SMIM30: variants seen among roughly 807,000 people sequenced by gnomAD.
SMIM30 encodes the protein small integral membrane protein 30, also known as long intergenic non-protein coding RNA 998.
For synonymous variants in SMIM30, 19 were observed against 11.5 expected (o/e 1.65, Z -1.31); for missense variants, 43 against 27.6 (o/e 1.56, Z -1.25).
In SMIM30 at chr7:113,117,378, G is replaced by C. The variant is rs1584573296; in HGVS notation, c.*21C>G. The C allele has an allele frequency of 1.4e-6, 1 of 702,632 alleles. No individual in the cohort carries two copies. The highest frequency in any genetic ancestry group is 1.5e-5 in the South Asian group (1 of 67,504). The allele number at this position is 702,632 out of a possible 1,614,324, so 43.5% of individuals were successfully genotyped here. ...CGCAAAGGTTTTCAGGGTGAGGTTT[G>C]ACTCAGTAGGCCTTTCAAAGTCACA... On this transcript the variant is annotated 3_prime_UTR_variant, in exon 3 of 3. Coordinates refer to ENST00000397764, the MANE Select transcript of SMIM30 (RefSeq NM_001352688.2).
At chr7:113,117,647 A>G (rs1281669557) in intron 2 of SMIM30, 40 bp from the exon 3 acceptor site, 1 of 698,128 alleles carries the variant, frequency 1.4e-6, no homozygotes, top group Non-Finnish European at 2.6e-6. Flanking sequence ...ACCATTAAAA[A>G]TTCCTCCCTT....
chr7:113,117,083 T>C lies in SMIM30; in HGVS notation c.*316A>G. ...CCTAAGATTCTGGGCAAGAACTTCCTTCTTCCTATTTCACATGCTTTGAGA... is the reference window on the plus strand; with the variant it reads ...CCTAAGATTCTGGGCAAGAACTTCCCTCTTCCTATTTCACATGCTTTGAGA... On this transcript the variant is annotated 3_prime_UTR_variant, in exon 3 of 3. Coordinates refer to ENST00000397764, the MANE Select transcript of SMIM30 (RefSeq NM_001352688.2). 3.5e-6 allele frequency: 1 copy of C among 286,196 alleles called. No individual in the cohort carries two copies. The highest frequency in any genetic ancestry group is 6.8e-6 in the Non-Finnish European group (1 of 146,330). The allele number at this position is 286,196 out of a possible 1,614,324, so 17.7% of individuals were successfully genotyped here.
intron 2 of SMIM30, 158 bp from the exon 3 acceptor site, chr7:113,117,765 G>A (rs1275765809): frequency 3.4e-6 from 2 of 596,202 alleles, no homozygotes; most frequent in Non-Finnish European, 3.0e-6. Context: ...GAAAAACAGA[G>A]GGACGTTAAA....
In SMIM30 at chr7:113,117,434, C is replaced by A. The variant is rs1390099236; in HGVS notation, c.145G>T (p.Gly49Trp). The A allele has an allele frequency of 2.8e-6, 2 of 702,816 alleles. No individual in the cohort carries two copies. The highest frequency in any genetic ancestry group is 3.5e-5 in the African/African-American group (2 of 57,190). 43.5% of individuals were successfully genotyped at this position (702,816 alleles called of 1,614,324 possible). Residue 49 changes from glycine (G) to tryptophan (W), a missense_variant, in exon 3 of 3, where the codon GGG becomes TGG. Physicochemically the swap from Gly to Trp is radical, Grantham distance 184 (BLOSUM62 -2). Coordinates refer to ENST00000397764, the MANE Select transcript of SMIM30 (RefSeq NM_001352688.2). Reference sequence around the variant, plus strand: ...CCATTTCTTTTTCGTGCATATACCCCCAAGCAGGCACAAATGCCTGTAATG... The same window carrying A: ...CCATTTCTTTTTCGTGCATATACCCACAAGCAGGCACAAATGCCTGTAATG... Reference protein sequence around the residue: ...LSITGICACLGVYARKRNGQM With the variant: ...LSITGICACLWVYARKRNGQM
intron 1 of SMIM30, 57 bp from the exon 2 acceptor site, chr7:113,118,218 A>T (rs1794719113): frequency 4.7e-6 from 2 of 424,594 alleles, no homozygotes; most frequent in Non-Finnish European, 9.3e-6. Context: ...AAAATTAATT[A>T]TTATTACTAT....
chr7:113,118,312 A>G (rs1395058649), intron 1 of SMIM30, 151 bp from the exon 2 acceptor site: 1 of 427,028 alleles, frequency 2.3e-6, no homozygotes, highest in African/African-American at 2.0e-5. Context: ...AGTTGAGAAA[A>G]GTCTGTCCAA....
chr7:113,117,749 T>C (rs1320267759), intron 2 of SMIM30, 142 bp from the exon 3 acceptor site: 16 of 612,860 alleles, frequency 2.6e-5, no homozygotes, highest in South Asian at 1.2e-4. Context: ...CCTCATCTTA[T>C]AGGTGGAAAA....
intron 1 of SMIM30, 82 bp downstream of exon 1, chr7:113,118,446 C>T (rs1429089416): frequency 2.2e-6 from 1 of 456,052 alleles, no homozygotes; most frequent in South Asian, 1.5e-5. Context: ...GTACTTTGGC[C>T]CGGCAAGGTC....
chr7:113,117,443 C>T lies in SMIM30; in HGVS notation c.136G>A (p.Ala46Thr), dbSNP rs1324724400. 2 of 702,962 alleles carry T rather than the reference C, an allele frequency of 2.8e-6. No individual in the cohort carries two copies. The highest frequency in any genetic ancestry group is 2.0e-5 in the Admixed American group (1 of 50,002). The allele number at this position is 702,962 out of a possible 1,614,324, so 43.5% of individuals were successfully genotyped here. A position where few individuals can be genotyped will look rare whatever the true frequency, so the allele number is the denominator to read the frequency against. The change falls in exon 3 of 3, where the codon GCC becomes ACC. Residue 46 changes from alanine to threonine, a missense_variant. Transcript: ENST00000397764. The stretch of plus-strand genomic sequence containing the variant: ...TTTCGTGCATATACCCCCAAGCAGG[C>T]ACAAATGCCTGTAATGCTGAGAACC... ...GVVLSITGIC[A>T]CLGVYARKRN...
At position 113,116,977 on chromosome 7, in the gene SMIM30, G is replaced by A. The variant is rs1346972658; in HGVS notation, c.*422C>T. 2 of 160,792 alleles carry A rather than the reference G, an allele frequency of 1.2e-5. No homozygotes were observed. Among genetic ancestry groups the A allele is most frequent in the African/African-American group, 4.8e-5 (2 of 41,414 alleles). The allele number at this position is 160,792 out of a possible 1,614,324, so 10.0% of individuals were successfully genotyped here. On this transcript the variant is annotated 3_prime_UTR_variant, in exon 3 of 3. Coordinates refer to ENST00000397764, the MANE Select transcript of SMIM30 (RefSeq NM_001352688.2). ...ATATCTAAATATAATATTAACTTGG[G>A]AGACAACAAAACAAAAATCTAATTT...
rs1023524351 is a variant in SMIM30, at chr7:113,117,123, T to C, written c.*276A>G. On this transcript the variant is annotated 3_prime_UTR_variant, in exon 3 of 3. Transcript: ENST00000397764. ...ATGCTTTGAGAGAATTCTAAGATTATGAAATATTACTTATGTAAATTTCAG... is the reference window on the plus strand; with the variant it reads ...ATGCTTTGAGAGAATTCTAAGATTACGAAATATTACTTATGTAAATTTCAG... The C allele has an allele frequency of 6.9e-5, 26 of 374,460 alleles. No homozygotes were observed. The highest frequency in any genetic ancestry group is 5.5e-4 in the South Asian group (19 of 34,520). The allele number at this position is 374,460 out of a possible 1,614,324, so 23.2% of individuals were successfully genotyped here. A position where few individuals can be genotyped will look rare whatever the true frequency, so the allele number is the denominator to read the frequency against.
At chr7:113,118,272 G>A (rs73198900) in intron 1 of SMIM30, 111 bp from the exon 2 acceptor site, 5,840 of 420,526 alleles carry the variant, frequency 0.014, 40 homozygotes, top group Non-Finnish European at 0.02. Flanking sequence ...GAGCGTGGAG[G>A]CCATATGGAC....
rs1794684215 is a variant in SMIM30 at position 113,116,775 on chromosome 7, TACTC to T, written c.*620_*623del. 1 of 152,450 alleles carries T rather than the reference TACTC, an allele frequency of 6.6e-6. No homozygotes were observed. The highest frequency in any genetic ancestry group is 2.4e-5 in the African/African-American group (1 of 41,468). 9.4% of individuals were successfully genotyped at this position (152,450 alleles called of 1,614,324 possible). A position where few individuals can be genotyped will look rare whatever the true frequency, so the allele number is the denominator to read the frequency against. On this transcript the variant is annotated 3_prime_UTR_variant, in exon 3 of 3. Transcript: ENST00000397764. ...ATAGTACTTCTCATCAGGAGGATGT[TACTC>T]AGTTAATATAAAGTTTTTTTTCAAA...
rs1403185049 is a variant in SMIM30, at chr7:113,117,809, G to C, written c.-29-202C>G. 9 of 530,104 alleles carry C rather than the reference G, an allele frequency of 1.7e-5. No homozygotes were observed. In the East Asian group the frequency reaches 2.6e-4, roughly 16 times the overall value. The allele number at this position is 530,104 out of a possible 1,614,324, so 32.8% of individuals were successfully genotyped here. A position where few individuals can be genotyped will look rare whatever the true frequency, so the allele number is the denominator to read the frequency against. The stretch of plus-strand genomic sequence containing the variant: ...TTTGAGGTTCATCTCCCTATCTCGT[G>C]ATAACACTCTAAACCCAGGAATTTT... On this transcript the variant is annotated intron_variant, in intron 2 of 2. Coordinates refer to ENST00000397764, the MANE Select transcript of SMIM30 (RefSeq NM_001352688.2).
chr7:113,116,847 T>TTA lies in SMIM30; in HGVS notation c.*551_*552insTA, dbSNP rs1794686706. ...CATGTCAATGTCTATAGTTTTTTTT[T>TTA]AACATTAAATTTTTTTCCGCATTTC... On this transcript the variant is annotated 3_prime_UTR_variant, in exon 3 of 3. Transcript: ENST00000397764. 2 of 152,438 alleles carry TTA rather than the reference T, an allele frequency of 1.3e-5. No individual in the cohort carries two copies. The highest frequency in any genetic ancestry group is 4.1e-4 in the South Asian group (2 of 4,844). The allele number at this position is 152,438 out of a possible 1,614,324, so 9.4% of individuals were successfully genotyped here. A position where few individuals can be genotyped will look rare whatever the true frequency, so the allele number is the denominator to read the frequency against.
rs1280871852 is a variant in SMIM30, at chr7:113,116,887, T to G, written c.*512A>C. Reference sequence around the variant, plus strand: ...TTCCGCATTTCAGTATTAGATACACTGAATACATTTTTCTAAATGTTTTTT... The same window carrying G: ...TTCCGCATTTCAGTATTAGATACACGGAATACATTTTTCTAAATGTTTTTT... On this transcript the variant is annotated 3_prime_UTR_variant, in exon 3 of 3. Transcript: ENST00000397764. The G allele has an allele frequency of 6.5e-6, 1 of 154,374 alleles. No individual in the cohort carries two copies. Among genetic ancestry groups the G allele is most frequent in the Non-Finnish European group, 1.4e-5 (1 of 69,418 alleles). The allele number at this position is 154,374 out of a possible 1,614,324, so 9.6% of individuals were successfully genotyped here.
At position 113,117,445 on chromosome 7, in the gene SMIM30, C is replaced by T; in HGVS notation, c.134G>A (p.Cys45Tyr). 1 of 702,962 alleles carries T rather than the reference C, an allele frequency of 1.4e-6. No homozygotes were observed. Among genetic ancestry groups the T allele is most frequent in the South Asian group, 1.5e-5 (1 of 67,588 alleles). The allele number at this position is 702,962 out of a possible 1,614,324, so 43.5% of individuals were successfully genotyped here. ...TCGTGCATATACCCCCAAGCAGGCA[C>T]AAATGCCTGTAATGCTGAGAACCAC... is the stretch of plus-strand genomic sequence containing the variant. ...LGVVLSITGI[C>Y]ACLGVYARKR... Residue 45 changes from cysteine to tyrosine, a missense_variant, in exon 3 of 3, where the codon TGT becomes TAT. By Grantham distance (194) the Cys-to-Tyr change is radical. Transcript: ENST00000397764.
Position 113,117,139 on chromosome 7 carries a change from T to C in SMIM30, c.*260A>G. On this transcript the variant is annotated 3_prime_UTR_variant, in exon 3 of 3. Coordinates refer to ENST00000397764, the MANE Select transcript of SMIM30 (RefSeq NM_001352688.2). ...CTAAGATTATGAAATATTACTTATG[T>C]AAATTTCAGCCATCTTACTTCTTTG... 1 of 416,934 alleles carries C rather than the reference T, an allele frequency of 2.4e-6. No homozygotes were observed. Among genetic ancestry groups the C allele is most frequent in the East Asian group, 4.5e-5 (1 of 22,210 alleles). The allele number at this position is 416,934 out of a possible 1,614,324, so 25.8% of individuals were successfully genotyped here. A position where few individuals can be genotyped will look rare whatever the true frequency, so the allele number is the denominator to read the frequency against.
intron 2 of SMIM30, 121 bp from the exon 3 acceptor site, chr7:113,117,728 C>T: frequency 1.6e-6 from 1 of 639,900 alleles, no homozygotes; most frequent in Non-Finnish European, 2.8e-6. Context: ...TGAATCATTT[C>T]CAATCCATCT....
Sources: allele counts gnomAD v4.1 joint callset, GRCh38; gene constraint gnomAD v4.1.1; transcripts MANE v1.5; gene names NCBI Gene and HGNC (gene_info 2026-07-23, HGNC 2026-07-21).